The following SHISA9 variants were observed in gnomAD, a reference collection of about 807,000 sequenced individuals.
The protein encoded by SHISA9 is protein shisa-9.
In SHISA9, 13 loss-of-function variants were observed where a neutral mutation model predicts 38.0. That is an observed-to-expected ratio of 0.34 (90% CI 0.22 to 0.54). The LOEUF (loss-of-function observed/expected upper bound fraction) is 0.54. Among genes scored for constraint, SHISA9 ranks in the 20% least tolerant of loss-of-function variants. The pLI, the probability that SHISA9 is intolerant of heterozygous loss-of-function variation, is 0.91. For missense variants in SHISA9, 538 were observed against 575.8 expected (o/e 0.93, Z 0.67); for synonymous variants, 275 against 242.0 (o/e 1.14, Z -1.27).
At chr16:13,443,237 A>G in the SHISA9 span, among the ~76,000 whole-genome samples, 10 of 152,226 alleles carry the variant, frequency 6.6e-5, no homozygotes, top group African/African-American at 2.2e-4. Context: ...TGATGGTTCA[A>G]TGTGACTTGG....
chr16:13,035,948 C>T (rs1337645293), intron 2 of SHISA9, among the ~76,000 whole-genome samples: 1 of 152,118 alleles, frequency 6.6e-6, no homozygotes, highest in African/African-American at 2.4e-5. Context: ...ATTAAAACCA[C>T]AATAAGATAC....
At chr16:13,515,619 T>G in the SHISA9 span, among the ~76,000 whole-genome samples, 1 of 152,164 alleles carries the variant, frequency 6.6e-6, no homozygotes, top group African/African-American at 2.4e-5. Context: ...ACAGTGAAAT[T>G]TGTCAACTTT....
At chr16:13,530,808 G>T in the SHISA9 span, among the ~76,000 whole-genome samples, 1 of 152,120 alleles carries the variant, frequency 6.6e-6, no homozygotes, top group Non-Finnish European at 1.5e-5. Flanking sequence ...GACCTGATTG[G>T]TCTGGAGAAA....
At chr16:13,251,925 C>T in the SHISA9 span, among the ~76,000 whole-genome samples, 1 of 152,288 alleles carries the variant, frequency 6.6e-6, no homozygotes, top group African/African-American at 2.4e-5. Context: ...AACCTGTCCA[C>T]TTCCTACTTG....
the SHISA9 span, among the ~76,000 whole-genome samples, chr16:13,250,571 C>G: frequency 2.0e-5 from 3 of 152,176 alleles, no homozygotes; most frequent in Admixed American, 1.3e-4. Flanking sequence ...CTCTGACGCT[C>G]TTGGTCAGGA....
intron 2 of SHISA9, among the ~76,000 whole-genome samples, chr16:12,965,766 C>G (rs536533172): frequency 2.2e-4 from 33 of 152,306 alleles, no homozygotes; most frequent in Non-Finnish European, 3.7e-4. Flanking sequence ...GTTTTATCCT[C>G]ATGAATATAA....
intron 2 of SHISA9, among the ~76,000 whole-genome samples, chr16:13,175,262 G>A (rs2050722021): frequency 6.6e-6 from 1 of 152,096 alleles, no homozygotes; most frequent in Non-Finnish European, 1.5e-5. Flanking sequence ...GGTGGCACAT[G>A]CCTGTGGTCC....
At chr16:13,308,511 C>G in the SHISA9 span, among the ~76,000 whole-genome samples, 1 of 152,140 alleles carries the variant, frequency 6.6e-6, no homozygotes, top group Non-Finnish European at 1.5e-5. Flanking sequence ...TCCCCATGAG[C>G]ATGGGTCTCA....
the SHISA9 span, among the ~76,000 whole-genome samples, chr16:13,473,547 C>G: frequency 2.6e-5 from 4 of 151,972 alleles, no homozygotes; most frequent in African/African-American, 9.6e-5. Context: ...CTTTTTCTGA[C>G]CTTTCCCAGA....
Position 13,019,968 on chromosome 16 carries a change from T to TCTCC in SHISA9, c.691+103153_691+103154insCTCC, listed in dbSNP as rs1213112226. On this transcript the variant is annotated intron_variant, in intron 2 of 4. Coordinates refer to ENST00000558583, the MANE Select transcript of SHISA9 (RefSeq NM_001145204.3). Reference sequence around the variant, plus strand: ...CTTTCTTTCTTTCTTTCCCTCCTTCTTTCCTTCCTTCCTTCCTTCCTTCCT... The same window carrying TCTCC: ...CTTTCTTTCTTTCTTTCCCTCCTTCTCTCCTTCCTTCCTTCCTTCCTTCCTTCCT... 4.6e-5 allele frequency among the ~76,000 whole-genome samples: 2 copies of TCTCC among 43,196 alleles called. 1 individual carries two copies. Among genetic ancestry groups the TCTCC allele is most frequent in the Non-Finnish European group, 9.1e-5 (2 of 22,064 alleles). The allele number at this position is 43,196 out of a possible 152,430, so 28.3% of individuals were successfully genotyped here.
the SHISA9 span, among the ~76,000 whole-genome samples, chr16:13,547,106 T>G: frequency 6.6e-6 from 1 of 152,222 alleles, no homozygotes; most frequent in African/African-American, 2.4e-5. Context: ...GCCTATTACT[T>G]TGGGAAATCA....
At chr16:12,934,789 C>T (rs910931176) in intron 2 of SHISA9, among the ~76,000 whole-genome samples, 1 of 152,196 alleles carries the variant, frequency 6.6e-6, no homozygotes, top group African/African-American at 2.4e-5. Context: ...TCTCTCTCAT[C>T]CTTCAAGGCT....
At chr16:13,182,275 G>A (rs190365861) in intron 2 of SHISA9, among the ~76,000 whole-genome samples, 1 of 152,152 alleles carries the variant, frequency 6.6e-6, no homozygotes, top group African/African-American at 2.4e-5. Flanking sequence ...CATCAGAGAA[G>A]TTAAGTAACT....
At chr16:12,967,313 A>G (rs2071993105) in intron 2 of SHISA9, among the ~76,000 whole-genome samples, 2 of 152,210 alleles carry the variant, frequency 1.3e-5, no homozygotes. Context: ...GCAAGGACAA[A>G]AAACCAAACA....
intron 2 of SHISA9, among the ~76,000 whole-genome samples, chr16:13,101,734 A>G (rs899317071): frequency 3.3e-5 from 5 of 152,220 alleles, no homozygotes; most frequent in Non-Finnish European, 7.3e-5. Context: ...ACTAATTTCT[A>G]TTCCTACCAA....
the SHISA9 span, among the ~76,000 whole-genome samples, chr16:13,500,319 T>C: frequency 6.6e-6 from 1 of 152,156 alleles, no homozygotes; most frequent in Non-Finnish European, 1.5e-5. Context: ...CATATGGAAC[T>C]GTAAGTCAAT....
At chr16:13,506,731 T>A in the SHISA9 span, among the ~76,000 whole-genome samples, 1 of 152,096 alleles carries the variant, frequency 6.6e-6, no homozygotes, top group Non-Finnish European at 1.5e-5. Context: ...ATATAGGATC[T>A]GCACACCATC....
the SHISA9 span, among the ~76,000 whole-genome samples, chr16:13,343,240 T>G: frequency 4.6e-5 from 7 of 152,300 alleles, no homozygotes; most frequent in South Asian, 1.2e-3. Context: ...AATCTGCAGA[T>G]CTCTCAATAT....
intron 4 of SHISA9, among the ~76,000 whole-genome samples, chr16:13,217,439 G>A (rs2051181130): frequency 6.6e-6 from 1 of 152,166 alleles, no homozygotes; most frequent in African/African-American, 2.4e-5. Context: ...GCTACAGCAA[G>A]GCAATCAAAT....
Sources: allele counts gnomAD v4.1 joint callset (sites outside exome capture counted in the v4.1 genomes callset), GRCh38; gene constraint gnomAD v4.1.1; transcripts MANE v1.5; gene names NCBI Gene and HGNC (gene_info 2026-07-23, HGNC 2026-07-21).